The following POR variants were observed in gnomAD, a reference collection of about 807,000 sequenced individuals.
The protein encoded by POR is NADPH--cytochrome P450 reductase.
Under a neutral mutation model 84.0 loss-of-function variants are expected in POR, and 56 were observed. The ratio of observed to expected loss-of-function variants is 0.67; its 90% CI spans 0.54 to 0.83. The LOEUF is 0.83. Ranked by LOEUF, POR falls within the 40% of genes least tolerant of loss-of-function variation. The pLI, the probability that POR is intolerant of heterozygous loss-of-function variation, is 0.00. For missense variants in POR, 938 were observed against 944.3 expected, an observed-to-expected ratio of 0.99 and a Z score of 0.09; for synonymous variants, 414 against 400.5, an observed-to-expected ratio of 1.03 and a Z score of -0.40.
chr7:75,975,814 A>ATTT (rs539245771), intron 3 of POR, among the ~76,000 whole-genome samples: 1 of 82,184 alleles, frequency 1.2e-5, no homozygotes, highest in Non-Finnish European at 2.3e-5. Context: ...AGCTGTTCAG[A>ATTT]TTTTTTTTTT....
intron 3 of POR, 49 bp from the exon 4 acceptor site, chr7:75,979,402 C>T (rs534090073): frequency 3.1e-5 from 50 of 1,598,208 alleles, no homozygotes; most frequent in African/African-American, 1.1e-4. Context: ...TCACCGGAGC[C>T]GTGGCTGAGG....
intron 12 of POR, 64 bp from the exon 13 acceptor site, chr7:75,985,515 C>A: frequency 6.9e-7 from 1 of 1,452,042 alleles, no homozygotes; most frequent in Admixed American, 2.6e-5. Context: ...CAGAACGGGA[C>A]TTGGGGCCGG....
intron 8 of POR, 92 bp from the exon 9 acceptor site, chr7:75,983,428 C>A: frequency 1.2e-6 from 1 of 859,442 alleles, no homozygotes; most frequent in African/African-American, 1.7e-5. Flanking sequence ...CTCTGAGATT[C>A]CCTGTGCTTT....
chr7:75,955,470 G>A (rs886785), intron 2 of POR, among the ~76,000 whole-genome samples: 2,445 of 152,214 alleles, frequency 0.016, 49 homozygotes, highest in African/African-American at 0.056. Flanking sequence ...ACTTCCTGCG[G>A]TTACGCTTGG....
At chr7:75,961,900 G>A (rs1554554571) in intron 2 of POR, among the ~76,000 whole-genome samples, 1 of 152,090 alleles carries the variant, frequency 6.6e-6, no homozygotes, top group African/African-American at 2.4e-5. Flanking sequence ...TGTGGTCCCA[G>A]TTACTCAGAA....
At chr7:75,934,122 AGTGTGTGTGTGTGT>A (rs58236447) in intron 1 of POR, among the ~76,000 whole-genome samples, 30 of 126,854 alleles carry the variant, frequency 2.4e-4, no homozygotes, top group South Asian at 8.8e-4. Flanking sequence ...AAGACCTCAG[AGTGTGTGTGTGTGT>A]GTGTGTGTGT....
At chr7:75,981,283 C>A (rs71560496) in intron 6 of POR, 111 bp downstream of exon 6, 3 of 1,422,860 alleles carry the variant, frequency 2.1e-6, no homozygotes, top group Non-Finnish European at 2.8e-6. Context: ...ACACGCACCT[C>A]CAACACAGAG....
chr7:75,920,109 A>G (rs1191125767), intron 1 of POR, among the ~76,000 whole-genome samples: 1 of 120,700 alleles, frequency 8.3e-6, no homozygotes, highest in Non-Finnish European at 1.6e-5. Flanking sequence ...TCTCTCGCCT[A>G]GGCTGGAGTG....
At chr7:75,920,886 C>G (rs182659163) in intron 1 of POR, among the ~76,000 whole-genome samples, 1 of 152,084 alleles carries the variant, frequency 6.6e-6, no homozygotes, top group Admixed American at 6.6e-5. Context: ...CAGTGGTGCC[C>G]GGCATCATTC....
At chr7:75,918,284 T>C (rs560924511) in intron 1 of POR, among the ~76,000 whole-genome samples, 120 of 152,146 alleles carry the variant, frequency 7.9e-4, no homozygotes, top group African/African-American at 2.5e-3. Context: ...CCAGCCTGGG[T>C]GACAGAGTGA....
intron 2 of POR, among the ~76,000 whole-genome samples, chr7:75,967,271 C>T (rs1338860409): frequency 1.3e-5 from 2 of 152,060 alleles, no homozygotes; most frequent in Non-Finnish European, 2.9e-5. Flanking sequence ...TGCACTCCGC[C>T]GAGCCTTGGG....
intron 1 of POR, among the ~76,000 whole-genome samples, chr7:75,940,555 C>T (rs1471494256): frequency 6.7e-6 from 1 of 148,396 alleles, no homozygotes; most frequent in Non-Finnish European, 1.5e-5. Context: ...GAGGCTGAGG[C>T]AGGTGGATCA....
intron 1 of POR, chr7:75,923,049 G>T: frequency 4.4e-6 from 3 of 680,608 alleles, no homozygotes; most frequent in South Asian, 3.2e-5. Flanking sequence ...TTGATGGTGT[G>T]AGTTTACTGG....
rs969440544 is a variant in POR at position 75,948,225 on chromosome 7, C to T, written c.-4-5764C>T. ...CTCAGGGCCTTGGATAAAGTGATGG[C>T]TGGGTCCTTCCCACCGCACCTGTCT... On this transcript the variant is annotated intron_variant, in intron 1 of 15. Transcript: ENST00000461988. Among the ~76,000 whole-genome samples, 48 of 152,336 alleles carry T rather than the reference C, an allele frequency of 3.2e-4. 1 individual carries two copies. Among genetic ancestry groups the T allele is most frequent in the Middle Eastern group, 3.4e-3 (1 of 294 alleles).
chr7:75,918,232 G>T (rs1563395285), intron 1 of POR, among the ~76,000 whole-genome samples: 1 of 152,262 alleles, frequency 6.6e-6, no homozygotes, highest in East Asian at 1.9e-4. Flanking sequence ...CTTGAACCTG[G>T]GAAGCGGAGG....
intron 1 of POR, among the ~76,000 whole-genome samples, chr7:75,952,647 T>G: frequency 8.0e-6 from 1 of 125,174 alleles, no homozygotes; most frequent in African/African-American, 3.2e-5. Context: ...CCAGATGGGG[T>G]CGCGGCCGGG....
intron 7 of POR, 119 bp from the exon 8 acceptor site, chr7:75,982,105 C>T (rs188048927): frequency 5.5e-5 from 40 of 730,482 alleles, no homozygotes; most frequent in Middle Eastern, 2.3e-4. Flanking sequence ...TGCTTCTTGT[C>T]GTATGTACCT....
intron 3 of POR, among the ~76,000 whole-genome samples, chr7:75,976,304 G>A (rs951835394): frequency 1.3e-5 from 2 of 151,948 alleles, no homozygotes; most frequent in Non-Finnish European, 2.9e-5. Flanking sequence ...TTAGCCGGGC[G>A]TGGTGGCATG....
At chr7:75,930,233 T>C (rs1314052027) in intron 1 of POR, among the ~76,000 whole-genome samples, 2 of 152,162 alleles carry the variant, frequency 1.3e-5, no homozygotes, top group Non-Finnish European at 2.9e-5. Context: ...GTAAACACAG[T>C]GCTGTGTAGA....
Sources: gnomAD v4.1 joint callset for allele counts (sites outside exome capture counted in the v4.1 genomes callset) on GRCh38, gnomAD v4.1.1 for gene constraint, MANE v1.5 for transcripts, NCBI Gene and HGNC (gene_info 2026-07-23, HGNC 2026-07-21) for gene names.